Variants in ROR2 observed in about 807,000 individuals in gnomAD.
ROR2 encodes the protein tyrosine-protein kinase transmembrane receptor ROR2.
A neutral mutation model predicts 74.9 loss-of-function variants in ROR2; 33 were observed. The observed-to-expected ratio is 0.44, with a 90% CI of 0.33 to 0.59. ROR2 has a LOEUF of 0.59. ROR2 is among the 20% of genes least tolerant of loss of function. The pLI is 0.02. For synonymous variants in ROR2, 586 were observed against 558.7 expected, an observed-to-expected ratio of 1.05 and a Z score of -0.69; for missense variants, 1,216 against 1,313.8, an observed-to-expected ratio of 0.93 and a Z score of 1.15.
intron 4 of ROR2, among the ~76,000 whole-genome samples, chr9:91,743,461 C>A (rs1825312460): frequency 6.6e-6 from 1 of 152,030 alleles, no homozygotes; most frequent in African/African-American, 2.4e-5. Flanking sequence ...ATCCCAGTTA[C>A]TCAGAAGGCT....
chr9:91,809,635 C>T (rs757428409), intron 1 of ROR2, among the ~76,000 whole-genome samples: 34 of 152,232 alleles, frequency 2.2e-4, no homozygotes, highest in Non-Finnish European at 4.7e-4. Context: ...CAGCGGCACT[C>T]GCCAGTGTGA....
chr9:91,774,792 A>C (rs1269038685), intron 2 of ROR2, among the ~76,000 whole-genome samples: 1 of 152,200 alleles, frequency 6.6e-6, no homozygotes, highest in Non-Finnish European at 1.5e-5. Flanking sequence ...GCATGATTCG[A>C]TACTTTTTTG....
chr9:91,798,559 T>C (rs188215430), intron 1 of ROR2, among the ~76,000 whole-genome samples: 2 of 122,736 alleles, frequency 1.6e-5, no homozygotes, highest in Non-Finnish European at 1.6e-5. Context: ...GATCTGTGGG[T>C]GCAGCTGACG....
intron 6 of ROR2, among the ~76,000 whole-genome samples, chr9:91,731,594 G>A (rs1253931992): frequency 6.6e-6 from 1 of 152,198 alleles, no homozygotes; most frequent in Non-Finnish European, 1.5e-5. Flanking sequence ...CCTGGGGTTG[G>A]GGTGTGCATT....
chr9:91,821,875 G>A (rs761273028), intron 1 of ROR2, among the ~76,000 whole-genome samples: 2 of 152,158 alleles, frequency 1.3e-5, no homozygotes, highest in South Asian at 2.1e-4. Context: ...CACTGGGACC[G>A]AGGGTCCTTG....
rs560426812 is a variant in ROR2 at position 91,781,867 on chromosome 9, C to A, written c.98-6049G>T. Reference sequence around the variant, plus strand: ...CCACTTCTAAAGCAAACGTATTAAACCTCCAAGTGAGTCAATGTACCAGCC... The same window carrying A: ...CCACTTCTAAAGCAAACGTATTAAAACTCCAAGTGAGTCAATGTACCAGCC... On this transcript the variant is annotated intron_variant, in intron 1 of 8. Coordinates refer to ENST00000375708, the MANE Select transcript of ROR2 (RefSeq NM_004560.4). 3.9e-5 allele frequency among the ~76,000 whole-genome samples: 6 copies of A among 152,314 alleles called. No individual in the cohort carries two copies. In the South Asian group the frequency reaches 1.2e-3, roughly 32 times the overall value.
chr9:91,724,602 A>G lies in ROR2; in HGVS notation c.1892T>C (p.Ile631Thr). 4 of 1,614,218 alleles carry G rather than the reference A, an allele frequency of 2.5e-6. No homozygotes were observed. Among genetic ancestry groups the G allele is most frequent in the Non-Finnish European group, 3.4e-6 (4 of 1,180,036 alleles). ...CTCTCGGAAGAGGCCCAAGTCTGAGATCTTCACGTTCAGCTTGTCGTACAC... is the reference window on the plus strand; with the variant it reads ...CTCTCGGAAGAGGCCCAAGTCTGAGGTCTTCACGTTCAGCTTGTCGTACAC... ...VLVYDKLNVK[I>T]SDLGLFREVY... Residue 631 changes from isoleucine to threonine, a missense_variant, in exon 9 of 9, where the codon ATC becomes ACC. Coordinates refer to ENST00000375708, the MANE Select transcript of ROR2 (RefSeq NM_004560.4).
chr9:91,769,267 C>A (rs1435366576), intron 2 of ROR2, among the ~76,000 whole-genome samples: 1 of 152,132 alleles, frequency 6.6e-6, no homozygotes, highest in Non-Finnish European at 1.5e-5. Context: ...GGACACTGGA[C>A]ACTGGGCTCA....
At chr9:91,783,556 T>A (rs954260754) in intron 1 of ROR2, among the ~76,000 whole-genome samples, 1 of 152,176 alleles carries the variant, frequency 6.6e-6, no homozygotes, top group Non-Finnish European at 1.5e-5. Flanking sequence ...CACAGCCATC[T>A]GCTGAGACCG....
At chr9:91,882,840 G>A (rs1057169631) in intron 1 of ROR2, among the ~76,000 whole-genome samples, 2 of 152,130 alleles carry the variant, frequency 1.3e-5, no homozygotes, top group African/African-American at 4.8e-5. Flanking sequence ...GAGAAAGGCA[G>A]GAGAAGTCAC....
chr9:91,805,527 C>A (rs1280925417), intron 1 of ROR2, among the ~76,000 whole-genome samples: 1 of 152,160 alleles, frequency 6.6e-6, no homozygotes, highest in Non-Finnish European at 1.5e-5. Context: ...GGCTGCTCCC[C>A]CTAGCCGGAG....
intron 2 of ROR2, among the ~76,000 whole-genome samples, chr9:91,767,780 G>T (rs1293057132): frequency 6.6e-6 from 1 of 152,244 alleles, no homozygotes. Context: ...GGGAAAACTA[G>T]AAGCATGGGG....
intron 1 of ROR2, among the ~76,000 whole-genome samples, chr9:91,791,290 C>A (rs974231974): frequency 1.3e-5 from 2 of 152,170 alleles, no homozygotes; most frequent in Non-Finnish European, 2.9e-5. Context: ...AATATTCAGT[C>A]CAGTAACATG....
At chr9:91,839,254 GT>G (rs1563991760) in intron 1 of ROR2, among the ~76,000 whole-genome samples, 502 of 35,768 alleles carry the variant, frequency 0.014, 4 homozygotes, top group African/African-American at 0.037. Context: ...GATCGGGGGT[GT>G]GTGTGTGTGT....
At chr9:91,758,160 C>T (rs1399444381) in intron 2 of ROR2, among the ~76,000 whole-genome samples, 1 of 152,200 alleles carries the variant, frequency 6.6e-6, no homozygotes, top group East Asian at 1.9e-4. Flanking sequence ...CCTTGTTTAG[C>T]CCCAGCTGGG....
At chr9:91,936,783 C>T (rs1255342232) in intron 1 of ROR2, among the ~76,000 whole-genome samples, 2 of 151,992 alleles carry the variant, frequency 1.3e-5, no homozygotes, top group African/African-American at 4.8e-5. Flanking sequence ...GTAATCCCAG[C>T]ACTTTGGGAG....
intron 1 of ROR2, among the ~76,000 whole-genome samples, chr9:91,880,708 A>C (rs1466384589): frequency 6.6e-6 from 1 of 152,288 alleles, no homozygotes; most frequent in Non-Finnish European, 1.5e-5. Context: ...GGGCCTGCCC[A>C]TATACAAAGC....
intron 2 of ROR2, among the ~76,000 whole-genome samples, chr9:91,769,405 C>T (rs939679689): frequency 1.3e-5 from 2 of 152,180 alleles, no homozygotes; most frequent in African/African-American, 4.8e-5. Flanking sequence ...CCTCTCCCTA[C>T]CTGTGCCCCT....
intron 1 of ROR2, among the ~76,000 whole-genome samples, chr9:91,853,007 G>A (rs567254335): frequency 3.3e-5 from 5 of 152,360 alleles, no homozygotes; most frequent in South Asian, 2.1e-4. Flanking sequence ...GGCGGAGCGC[G>A]AGGTTGTGGG....
Sources: gnomAD v4.1 joint callset for allele counts (sites outside exome capture counted in the v4.1 genomes callset) on GRCh38, gnomAD v4.1.1 for gene constraint, MANE v1.5 for transcripts, NCBI Gene and HGNC (gene_info 2026-07-23, HGNC 2026-07-21) for gene names.